The following EBF1 variants were observed in gnomAD, a reference collection of about 807,000 sequenced individuals.
EBF1 encodes the protein EBF transcription factor 1.
A neutral mutation model predicts 68.4 loss-of-function variants in EBF1; 10 were observed. That is an observed-to-expected ratio of 0.15 (90% CI 0.09 to 0.25). The LOEUF (loss-of-function observed/expected upper bound fraction) is 0.25, where lower values mean the gene tolerates loss of function less well. EBF1 is among the 10% of genes least tolerant of loss of function. The pLI is 1.00. For synonymous variants in EBF1, 298 were observed against 299.8 expected (o/e 0.99, Z 0.06); for missense variants, 509 against 794.4 (o/e 0.64, Z 4.32).
intron 10 of EBF1, among the ~76,000 whole-genome samples, chr5:158,760,240 A>C (rs980178164): frequency 6.6e-6 from 1 of 152,196 alleles, no homozygotes; most frequent in Non-Finnish European, 1.5e-5. Context: ...GAGTCCAAAA[A>C]TTGTCTTAAA....
intron 9 of EBF1, among the ~76,000 whole-genome samples, chr5:158,779,100 G>A (rs1020144385): frequency 1.3e-5 from 2 of 152,118 alleles, no homozygotes; most frequent in Non-Finnish European, 2.9e-5. Flanking sequence ...TCAAGAGCAT[G>A]TTAATTGTTG....
At chr5:158,972,606 G>A (rs923315019) in intron 6 of EBF1, among the ~76,000 whole-genome samples, 1 of 152,192 alleles carries the variant, frequency 6.6e-6, no homozygotes, top group Non-Finnish European at 1.5e-5. Context: ...TTAGTTTAAG[G>A]CTTCTTGGCT....
chr5:158,904,528 T>C (rs1413667866), intron 6 of EBF1, among the ~76,000 whole-genome samples: 1 of 152,224 alleles, frequency 6.6e-6, no homozygotes, highest in East Asian at 1.9e-4. Flanking sequence ...CACTGAAACA[T>C]CAAGATATCC....
intron 8 of EBF1, among the ~76,000 whole-genome samples, chr5:158,801,977 G>C (rs2127763326): frequency 6.6e-6 from 1 of 152,246 alleles, no homozygotes; most frequent in South Asian, 2.1e-4. Flanking sequence ...GCCTCCAATA[G>C]AAATGATCTA....
chr5:158,947,388 C>A (rs1042190880), intron 6 of EBF1, among the ~76,000 whole-genome samples: 1 of 152,176 alleles, frequency 6.6e-6, no homozygotes, highest in African/African-American at 2.4e-5. Context: ...AGTATCTGGG[C>A]CAGATAGCAC....
intron 11 of EBF1, among the ~76,000 whole-genome samples, chr5:158,722,475 G>A (rs1368852670): frequency 2.0e-5 from 3 of 152,150 alleles, no homozygotes; most frequent in South Asian, 2.1e-4. Context: ...GTACACATAC[G>A]TGGATGTGTT....
intron 8 of EBF1, among the ~76,000 whole-genome samples, chr5:158,812,886 T>G (rs1782962601): frequency 6.6e-6 from 1 of 152,176 alleles, no homozygotes; most frequent in African/African-American, 2.4e-5. Context: ...AACAGCAGCT[T>G]GGGAGTTTTA....
intron 11 of EBF1, among the ~76,000 whole-genome samples, chr5:158,715,577 C>G (rs908125027): frequency 6.6e-6 from 1 of 151,968 alleles, no homozygotes; most frequent in Admixed American, 6.6e-5. Flanking sequence ...GCTGATAGAC[C>G]CCCTTTATAA....
intron 6 of EBF1, among the ~76,000 whole-genome samples, chr5:158,964,786 T>C (rs1295065447): frequency 6.6e-6 from 1 of 152,196 alleles, no homozygotes; most frequent in Non-Finnish European, 1.5e-5. Flanking sequence ...TTTCTCTTGG[T>C]ACAGTGTTTA....
chr5:159,071,184 C>T (rs1037545447), intron 6 of EBF1, among the ~76,000 whole-genome samples: 2 of 152,126 alleles, frequency 1.3e-5, no homozygotes, highest in Admixed American at 6.6e-5. Context: ...TGGGGTTTTG[C>T]ATATCAACTG....
At position 159,099,516 on chromosome 5, in the gene EBF1, T is replaced by C; in HGVS notation, c.-38A>G. ...TTCTTGTGGAAAATCTCCTCCCCCTTGAAAAAAATTAAAAAAAAAAAAAAA... is the reference window on the plus strand; with the variant it reads ...TTCTTGTGGAAAATCTCCTCCCCCTCGAAAAAAATTAAAAAAAAAAAAAAA... On this transcript the variant is annotated 5_prime_UTR_variant, in exon 1 of 16. Coordinates refer to ENST00000313708, the MANE Select transcript of EBF1 (RefSeq NM_024007.5). The C allele has an allele frequency of 7.7e-7, 1 of 1,304,078 alleles. No homozygotes were observed. Among genetic ancestry groups the C allele is most frequent in the Non-Finnish European group, 9.8e-7 (1 of 1,025,464 alleles). The allele number at this position is 1,304,078 out of a possible 1,614,324, so 80.8% of individuals were successfully genotyped here.
At chr5:159,096,742 G>T (rs1782688383) in intron 2 of EBF1, 1 of 631,474 alleles carries the variant, frequency 1.6e-6, no homozygotes, top group Non-Finnish European at 2.7e-6. Context: ...GTGGATTGTA[G>T]AGCCAGGCTT....
chr5:158,967,325 A>G (rs1316658984), intron 6 of EBF1, among the ~76,000 whole-genome samples: 1 of 152,236 alleles, frequency 6.6e-6, no homozygotes, highest in Non-Finnish European at 1.5e-5. Flanking sequence ...TACAAGTTTC[A>G]TTCTGGAATT....
intron 6 of EBF1, among the ~76,000 whole-genome samples, chr5:158,867,182 G>C (rs907657239): frequency 6.6e-6 from 1 of 152,006 alleles, no homozygotes; most frequent in Non-Finnish European, 1.5e-5. Flanking sequence ...GCTAATAATG[G>C]TGTCAATGAA....
At chr5:158,883,891 A>G (rs898242366) in intron 6 of EBF1, among the ~76,000 whole-genome samples, 10 of 152,324 alleles carry the variant, frequency 6.6e-5, no homozygotes, top group Non-Finnish European at 1.0e-4. Context: ...AGCCATATAT[A>G]CTACTAACAA....
At chr5:158,778,782 T>C (rs1394771144) in intron 9 of EBF1, among the ~76,000 whole-genome samples, 1 of 152,170 alleles carries the variant, frequency 6.6e-6, no homozygotes, top group Admixed American at 6.6e-5. Context: ...CATATCTGCA[T>C]AAAAACCATT....
chr5:159,035,707 C>A (rs1280796066), intron 6 of EBF1, among the ~76,000 whole-genome samples: 1 of 152,154 alleles, frequency 6.6e-6, no homozygotes, highest in Non-Finnish European at 1.5e-5. Flanking sequence ...TTTATCAGAT[C>A]CCAAATTATT....
intron 6 of EBF1, among the ~76,000 whole-genome samples, chr5:158,930,897 A>C (rs1292032316): frequency 2.0e-5 from 3 of 152,330 alleles, no homozygotes; most frequent in Admixed American, 6.5e-5. Context: ...CAAAAAAAAA[A>C]ACACATTTTC....
rs145819068 is a variant in EBF1 at position 158,952,696 on chromosome 5, T to C, written c.555-112586A>G. Among the ~76,000 whole-genome samples the C allele has an allele frequency of 2.0e-4, 31 of 152,390 alleles. No individual in the cohort carries two copies. The East Asian group carries it at 5.8e-3, about 28-fold the overall frequency. On this transcript the variant is annotated intron_variant, in intron 6 of 15. Transcript: ENST00000313708. ...TTGAAGGGAACAGCAATATTACTTT[T>C]CATTAGTTGCAAGAATTATGTGCAA...
Sources: allele counts gnomAD v4.1 joint callset (sites outside exome capture counted in the v4.1 genomes callset), GRCh38; gene constraint gnomAD v4.1.1; transcripts MANE v1.5; gene names NCBI Gene and HGNC (gene_info 2026-07-23, HGNC 2026-07-21).